Variants in ANO2 observed in about 807,000 individuals in gnomAD.
The protein encoded by ANO2 is anoctamin-2.
In ANO2, 101 loss-of-function variants were observed where a neutral mutation model predicts 124.2. That is an observed-to-expected ratio of 0.81 (90% CI 0.69 to 0.96). The LOEUF is 0.96. Ranked by LOEUF, ANO2 falls within the 40% of genes least tolerant of loss-of-function variation. ANO2 has a pLI of 0.00. For missense variants in ANO2, 1,293 were observed against 1,274.5 expected, an observed-to-expected ratio of 1.01 and a Z score of -0.22; for synonymous variants, 486 against 482.5, an observed-to-expected ratio of 1.01 and a Z score of -0.09.
At chr12:5,786,221 A>G (rs1005199028) in intron 10 of ANO2, among the ~76,000 whole-genome samples, 7 of 152,112 alleles carry the variant, frequency 4.6e-5, no homozygotes, top group Non-Finnish European at 8.8e-5. Flanking sequence ...TTGAGATTCT[A>G]TCTCTGAAGA....
intron 3 of ANO2, among the ~76,000 whole-genome samples, chr12:5,910,130 T>A (rs1485331455): frequency 6.6e-6 from 1 of 152,164 alleles, no homozygotes; most frequent in Non-Finnish European, 1.5e-5. Context: ...GTATAATTTG[T>A]TTTCGAGATT....
At chr12:5,697,431 C>G (rs546979207) in intron 14 of ANO2, among the ~76,000 whole-genome samples, 5 of 151,052 alleles carry the variant, frequency 3.3e-5, no homozygotes, top group African/African-American at 1.2e-4. Context: ...GACTCAGTCT[C>G]AAAAAAAATA....
At chr12:5,615,712 A>G (rs917835356) in intron 16 of ANO2, among the ~76,000 whole-genome samples, 11 of 152,190 alleles carry the variant, frequency 7.2e-5, no homozygotes, top group African/African-American at 2.2e-4. Context: ...AAAGCTTATT[A>G]GCCACTGAAC....
chr12:5,655,618 G>T (rs454166), intron 14 of ANO2, among the ~76,000 whole-genome samples: 63,005 of 152,098 alleles, frequency 0.41, 14,849 homozygotes, highest in African/African-American at 0.63. Flanking sequence ...TTAAATTGTT[G>T]GCAATGTGAC....
rs191703715 is a variant in ANO2, at chr12:5,584,081, C to T, written c.2234-5563G>A. 194 of 248,258 alleles carry T rather than the reference C, an allele frequency of 7.8e-4. 2 individuals carry two copies. Among genetic ancestry groups the T allele is most frequent in the Admixed American group, 1.5e-3 (35 of 22,916 alleles). The allele number at this position is 248,258 out of a possible 1,614,324, so 15.4% of individuals were successfully genotyped here. On this transcript the variant is annotated intron_variant, in intron 20 of 24. Transcript: ENST00000682330. The stretch of plus-strand genomic sequence containing the variant: ...TCCCGATTGTGATTCAGAATCCAAA[C>T]AAATAAGCCATTCTCTTGGCTCCCT...
intron 13 of ANO2, among the ~76,000 whole-genome samples, chr12:5,738,934 C>T (rs1000869546): frequency 5.3e-5 from 8 of 152,162 alleles, no homozygotes; most frequent in African/African-American, 1.9e-4. Flanking sequence ...TGACACCCTG[C>T]CTCTCCTTTG....
chr12:5,860,842 T>C (rs1955246693), intron 3 of ANO2, among the ~76,000 whole-genome samples: 1 of 152,156 alleles, frequency 6.6e-6, no homozygotes, highest in South Asian at 2.1e-4. Flanking sequence ...AAACACAACC[T>C]GAACTGGATA....
At chr12:5,855,176 C>T (rs932297676) in intron 3 of ANO2, among the ~76,000 whole-genome samples, 1 of 152,096 alleles carries the variant, frequency 6.6e-6, no homozygotes, top group Admixed American at 6.5e-5. Context: ...TCCTTCATTC[C>T]GCCCTCTGAT....
chr12:5,688,511 C>T (rs1230532669), intron 14 of ANO2, among the ~76,000 whole-genome samples: 1 of 152,170 alleles, frequency 6.6e-6, no homozygotes, highest in African/African-American at 2.4e-5. Context: ...CTTGTACTCC[C>T]TTATGAGGGA....
chr12:5,615,144 A>G (rs1207267138), intron 17 of ANO2, 42 bp downstream of exon 17: 2 of 1,526,338 alleles, frequency 1.3e-6, no homozygotes, highest in Non-Finnish European at 1.8e-6. Context: ...ACCCAGTCTT[A>G]GTGGCAAATT....
intron 20 of ANO2, among the ~76,000 whole-genome samples, chr12:5,594,585 C>T (rs990673121): frequency 6.6e-6 from 1 of 152,160 alleles, no homozygotes; most frequent in Non-Finnish European, 1.5e-5. Flanking sequence ...CCTGTAATCC[C>T]AGCAATTTCA....
chr12:5,568,807 A>G (rs1364519810), intron 23 of ANO2, among the ~76,000 whole-genome samples: 3 of 152,162 alleles, frequency 2.0e-5, no homozygotes, highest in African/African-American at 4.8e-5. Context: ...AGCCCTGTCC[A>G]GCACTGTCGT....
At chr12:5,651,298 A>G (rs1251585036) in intron 14 of ANO2, among the ~76,000 whole-genome samples, 1 of 152,244 alleles carries the variant, frequency 6.6e-6, no homozygotes, top group African/African-American at 2.4e-5. Flanking sequence ...GGCAAGCTAA[A>G]CATTTGGAAA....
rs752592362 is a variant in ANO2 at position 5,577,984 on chromosome 12, C to CAG, written c.2408_2409dup (p.Gly804LeufsTer53). ...CTGATAACAGAGAACTTGCCAATTC[C>CAG]AGAGAGAATGTCAAACCAGATTCCT... On this transcript the variant is annotated frameshift_variant, in exon 22 of 25. Transcript: ENST00000682330. LOFTEE classifies it high-confidence loss of function. 1.2e-6 allele frequency: 2 copies of CAG among 1,613,812 alleles called. No individual in the cohort carries two copies. Among genetic ancestry groups the CAG allele is most frequent in the South Asian group, 1.1e-5 (1 of 91,052 alleles).
At chr12:5,589,058 G>C (rs757494886) in intron 20 of ANO2, among the ~76,000 whole-genome samples, 16 of 152,200 alleles carry the variant, frequency 1.1e-4, no homozygotes, top group Non-Finnish European at 1.9e-4. Context: ...CTTCAAAGAC[G>C]AGGGTGCAGA....
At chr12:5,710,714 T>C (rs1229491415) in intron 14 of ANO2, among the ~76,000 whole-genome samples, 1 of 152,152 alleles carries the variant, frequency 6.6e-6, no homozygotes, top group East Asian at 1.9e-4. Flanking sequence ...GACTGGTACA[T>C]GGGAGTTCTG....
chr12:5,603,958 A>AAAG (rs1555097158), intron 19 of ANO2, among the ~76,000 whole-genome samples: 1 of 151,312 alleles, frequency 6.6e-6, no homozygotes, highest in Admixed American at 6.6e-5. Flanking sequence ...AAAAAAAAAA[A>AAAG]AAAAAAAGAA....
chr12:5,635,413 G>A lies in ANO2; in HGVS notation c.1621-66C>T. 2 of 1,272,532 alleles carry A rather than the reference G, an allele frequency of 1.6e-6. No homozygotes were observed. The highest frequency in any genetic ancestry group is 1.0e-6 in the Non-Finnish European group (1 of 953,370). The allele number at this position is 1,272,532 out of a possible 1,614,324, so 78.8% of individuals were successfully genotyped here. A position where few individuals can be genotyped will look rare whatever the true frequency, so the allele number is the denominator to read the frequency against. On this transcript the variant is annotated intron_variant, in intron 15 of 24. Transcript: ENST00000682330. This position sits in a 1 kb window ranked among gnomAD's most constrained non-coding sequence, Gnocchi z 5.2. ...TTACCGAGCACCTACTATTTGCTCT[G>A]CCAACAGTACCATTTGCTGTTATCA...
intron 14 of ANO2, among the ~76,000 whole-genome samples, chr12:5,710,776 G>A (rs1949782911): frequency 6.6e-6 from 1 of 152,046 alleles, no homozygotes; most frequent in African/African-American, 2.4e-5. Flanking sequence ...CAAGAAGTTG[G>A]GAGTCATGTT....
Sources: allele counts gnomAD v4.1 joint callset (sites outside exome capture counted in the v4.1 genomes callset), GRCh38; gene constraint gnomAD v4.1.1; non-coding constraint Gnocchi (gnomAD v3.1); transcripts MANE v1.5; gene names NCBI Gene and HGNC (gene_info 2026-07-23, HGNC 2026-07-21).